NTM: variants seen among roughly 807,000 people sequenced by gnomAD.
NTM encodes neurotrimin.
A neutral mutation model predicts 42.1 loss-of-function variants in NTM; 13 were observed. The observed-to-expected ratio is 0.31, with a 90% CI of 0.20 to 0.49. NTM has a LOEUF of 0.49. NTM is among the 20% of genes least tolerant of loss of function. NTM has a pLI of 0.99. For missense variants in NTM, 373 were observed against 452.8 expected, an observed-to-expected ratio of 0.82 and a Z score of 1.60; for synonymous variants, 187 against 179.2, an observed-to-expected ratio of 1.04 and a Z score of -0.35.
intron 1 of NTM, among the ~76,000 whole-genome samples, chr11:131,818,446 G>T (rs1297355472): frequency 1.3e-5 from 2 of 152,094 alleles, no homozygotes; most frequent in African/African-American, 2.4e-5. Flanking sequence ...ACATAGATTT[G>T]CATATTGATA....
At chr11:132,043,701 G>C (rs75669036) in intron 2 of NTM, among the ~76,000 whole-genome samples, 1 of 152,176 alleles carries the variant, frequency 6.6e-6, no homozygotes, top group African/African-American at 2.4e-5. Context: ...GCTGGCAGAC[G>C]CAAACAAGCC....
chr11:132,218,020 C>A (rs146408718), intron 4 of NTM, among the ~76,000 whole-genome samples: 94 of 152,224 alleles, frequency 6.2e-4, no homozygotes, highest in African/African-American at 1.3e-3. Context: ...TTCCATGACT[C>A]CAGTGACAGC....
chr11:131,638,984 C>G (rs1250924031), intron 1 of NTM, among the ~76,000 whole-genome samples: 1 of 152,182 alleles, frequency 6.6e-6, no homozygotes, highest in Admixed American at 6.5e-5. Context: ...ATCTTCACAG[C>G]ACCTTCATCG....
intron 1 of NTM, among the ~76,000 whole-genome samples, chr11:131,770,325 G>A (rs2085860927): frequency 6.6e-6 from 1 of 152,208 alleles, no homozygotes; most frequent in Admixed American, 6.5e-5. Context: ...GGGAAGACGA[G>A]GAGCTGTAGC....
chr11:132,058,678 GA>G (rs2080122721), intron 2 of NTM, among the ~76,000 whole-genome samples: 1 of 152,182 alleles, frequency 6.6e-6, no homozygotes, highest in Admixed American at 6.5e-5. Flanking sequence ...GTTCAGAAAG[GA>G]AGAGAAGATT....
chr11:131,929,749 G>A (rs2058391801), intron 2 of NTM, among the ~76,000 whole-genome samples: 2 of 152,028 alleles, frequency 1.3e-5, no homozygotes, highest in Admixed American at 1.3e-4. Flanking sequence ...AGGTTTCCTC[G>A]AAGGATCGTG....
chr11:131,853,180 T>C (rs921959734), intron 1 of NTM, among the ~76,000 whole-genome samples: 1 of 152,090 alleles, frequency 6.6e-6, no homozygotes, highest in Non-Finnish European at 1.5e-5. Context: ...GCTCTTCCTT[T>C]AATGAGAATA....
At chr11:131,626,008 G>A (rs768838856) in intron 1 of NTM, among the ~76,000 whole-genome samples, 1 of 152,086 alleles carries the variant, frequency 6.6e-6, no homozygotes, top group Non-Finnish European at 1.5e-5. Flanking sequence ...TCTGTGGCAC[G>A]TGGCTACAGT....
intron 1 of NTM, among the ~76,000 whole-genome samples, chr11:131,603,317 G>T (rs1324402449): frequency 2.0e-5 from 3 of 151,882 alleles, no homozygotes; most frequent in Non-Finnish European, 4.4e-5. Context: ...ATTATAATGT[G>T]CATATGAATA....
chr11:131,925,660 C>T (rs1288204142), intron 2 of NTM, among the ~76,000 whole-genome samples: 1 of 152,062 alleles, frequency 6.6e-6, no homozygotes, highest in Non-Finnish European at 1.5e-5. Context: ...GCTGGGATTA[C>T]AGATAGATGT....
chr11:132,181,885 G>T (rs2077624481), intron 3 of NTM, among the ~76,000 whole-genome samples: 1 of 151,806 alleles, frequency 6.6e-6, no homozygotes, highest in East Asian at 1.9e-4. Flanking sequence ...TTCCTATGCT[G>T]CACCTATTAG....
intron 1 of NTM, among the ~76,000 whole-genome samples, chr11:131,400,404 C>T (rs906076708): frequency 3.3e-5 from 5 of 152,092 alleles, no homozygotes; most frequent in Admixed American, 6.6e-5. Flanking sequence ...TCTTTATTCC[C>T]GGACCGTGTC....
chr11:131,378,417 C>T (rs1035261116), intron 1 of NTM, among the ~76,000 whole-genome samples: 3 of 152,202 alleles, frequency 2.0e-5, no homozygotes, highest in Admixed American at 1.3e-4. Flanking sequence ...CAGCACCAGC[C>T]TCTGCCTGCA....
chr11:131,743,373 T>C (rs1367294651), intron 1 of NTM, among the ~76,000 whole-genome samples: 1 of 152,216 alleles, frequency 6.6e-6, no homozygotes, highest in Non-Finnish European at 1.5e-5. Flanking sequence ...TTGTGAAGTT[T>C]ATCTTTAGAA....
chr11:131,695,097 T>C lies in NTM; in HGVS notation c.83-216467T>C, dbSNP rs918756576. Among the ~76,000 whole-genome samples the C allele has an allele frequency of 4.6e-5, 7 of 152,278 alleles. No homozygotes were observed. The East Asian group carries it at 1.4e-3, about 29-fold the overall frequency. ...GCCAGGGGAAACGCACGATGCGTTGTCCAGGACATTCTCACCTGAAAATGC... is the reference window on the plus strand; with the variant it reads ...GCCAGGGGAAACGCACGATGCGTTGCCCAGGACATTCTCACCTGAAAATGC... On this transcript the variant is annotated intron_variant, in intron 1 of 8. Transcript: ENST00000683400.
chr11:131,761,974 T>G (rs771606412), intron 1 of NTM, among the ~76,000 whole-genome samples: 1 of 152,168 alleles, frequency 6.6e-6, no homozygotes, highest in Admixed American at 6.5e-5. Flanking sequence ...CAGGGAGAGA[T>G]CCCTGATCAG....
At chr11:131,886,420 C>G (rs754953853) in intron 1 of NTM, among the ~76,000 whole-genome samples, 1 of 151,590 alleles carries the variant, frequency 6.6e-6, no homozygotes, top group Non-Finnish European at 1.5e-5. Flanking sequence ...GCCTCTTCCC[C>G]GTTCCCCACC....
At chr11:131,865,714 T>G (rs1350088993) in intron 1 of NTM, among the ~76,000 whole-genome samples, 1 of 135,320 alleles carries the variant, frequency 7.4e-6, no homozygotes, top group African/African-American at 2.9e-5. Context: ...CCCCACACAC[T>G]GACACACCCC....
At chr11:131,697,341 A>G (rs1387647191) in intron 1 of NTM, among the ~76,000 whole-genome samples, 1 of 152,192 alleles carries the variant, frequency 6.6e-6, no homozygotes, top group Non-Finnish European at 1.5e-5. Context: ...GCCTTACTTG[A>G]TCTACCGTTG....
Sources: gnomAD v4.1 joint callset for allele counts (sites outside exome capture counted in the v4.1 genomes callset) on GRCh38, gnomAD v4.1.1 for gene constraint, MANE v1.5 for transcripts, NCBI Gene and HGNC (gene_info 2026-07-23, HGNC 2026-07-21) for gene names.